ARMC8: variants seen among roughly 807,000 people sequenced by gnomAD.
The protein encoded by ARMC8 is armadillo repeat containing 8, also known as armadillo repeat-containing protein 8.
Under a neutral mutation model 99.3 loss-of-function variants are expected in ARMC8, and 20 were observed. The observed-to-expected ratio is 0.20, with a 90% CI of 0.14 to 0.29. The LOEUF (loss-of-function observed/expected upper bound fraction) is 0.29, where lower values mean the gene tolerates loss of function less well. Ranked by LOEUF, ARMC8 falls within the 10% of genes least tolerant of loss-of-function variation. The probability of loss-of-function intolerance (pLI) is 1.00; values close to 1 mark genes in which losing one functional copy is unlikely to be tolerated. For synonymous variants in ARMC8, 263 were observed against 278.3 expected (o/e 0.95, Z 0.55); for missense variants, 569 against 809.5 (o/e 0.70, Z 3.60).
chr3:138,194,030 C>G (rs2043547813), intron 1 of ARMC8, among the ~76,000 whole-genome samples: 1 of 151,266 alleles, frequency 6.6e-6, no homozygotes, highest in African/African-American at 2.4e-5. Flanking sequence ...ACAGTCCTTT[C>G]CCAGTGGCAT....
intron 12 of ARMC8, chr3:138,262,612 A>G: frequency 6.4e-7 from 1 of 1,558,986 alleles, no homozygotes; most frequent in African/African-American, 1.4e-5. Context: ...AAAAAAAAAA[A>G]ATTTAGGTGC....
At chr3:138,235,398 G>T (rs2046279074) in intron 7 of ARMC8, among the ~76,000 whole-genome samples, 1 of 152,190 alleles carries the variant, frequency 6.6e-6, no homozygotes, top group East Asian at 1.9e-4. Flanking sequence ...ATGATGCCTT[G>T]AAGTATAGAA....
chr3:138,220,890 A>G (rs758276260), intron 2 of ARMC8, among the ~76,000 whole-genome samples: 4 of 151,962 alleles, frequency 2.6e-5, no homozygotes, highest in Non-Finnish European at 5.9e-5. Context: ...GAGTTTCGCC[A>G]TGTTGTTCAG....
At chr3:138,281,292 C>CT (rs1263921597) in intron 18 of ARMC8, among the ~76,000 whole-genome samples, 4 of 149,350 alleles carry the variant, frequency 2.7e-5, no homozygotes, top group African/African-American at 9.9e-5. Context: ...TAATTGATTT[C>CT]TTTTTCTTTT....
rs1553745519 is a variant in ARMC8, at chr3:138,188,392, T to TTA, written c.45+793_45+794insTA. On this transcript the variant is annotated intron_variant, in intron 1 of 21. Transcript: ENST00000469044. ...AAGTAAAACCTGTTTTTTTTTTTTT[T>TTA]AAAAAAAGTTTTTTTAAAGAAAAAG... The TTA allele has an allele frequency of 2.8e-4, 404 of 1,439,890 alleles. 1 individual carries two copies. The African/African-American group carries it at 4.5e-3, about 16-fold the overall frequency. The allele number at this position is 1,439,890 out of a possible 1,614,324, so 89.2% of individuals were successfully genotyped here. A position where few individuals can be genotyped will look rare whatever the true frequency, so the allele number is the denominator to read the frequency against.
chr3:138,262,208 CAA>C (rs2047813180), intron 12 of ARMC8: 1 of 203,062 alleles, frequency 4.9e-6, no homozygotes, highest in African/African-American at 2.3e-5. Flanking sequence ...GAGGGAGTCA[CAA>C]AGAGTAGGTA....
intron 1 of ARMC8, among the ~76,000 whole-genome samples, chr3:138,202,660 A>G (rs1412434866): frequency 6.6e-6 from 1 of 152,228 alleles, no homozygotes; most frequent in Non-Finnish European, 1.5e-5. Context: ...AAAGTTGCAT[A>G]GCTAGTAAGT....
At position 138,201,436 on chromosome 3, in the gene ARMC8, C is replaced by CTTTTT. The variant is rs58707271; in HGVS notation, c.46-8344_46-8340dup. On this transcript the variant is annotated intron_variant, in intron 1 of 21. Transcript: ENST00000469044. ...TAGAGTCCTTGTCTTCTTCCCCTCC[C>CTTTTT]TTTTTTTTTTTTTTTTTTTTTTTTT... Among the ~76,000 whole-genome samples, 158 of 64,990 alleles carry CTTTTT rather than the reference C, an allele frequency of 2.4e-3. 53 individuals carry two copies. The highest frequency in any genetic ancestry group is 3.9e-3 in the Non-Finnish European group (114 of 29,394). The allele number at this position is 64,990 out of a possible 152,430, so 42.6% of individuals were successfully genotyped here.
Position 138,297,804 on chromosome 3 carries a change from G to A in ARMC8, c.*1912G>A, listed in dbSNP as rs968949357. On this transcript the variant is annotated 3_prime_UTR_variant, in exon 22 of 22. Coordinates refer to ENST00000469044, the MANE Select transcript of ARMC8 (RefSeq NM_001363941.2). ...CAGGCCCACTCGTTTCTAGAACTGT[G>A]AAAATATCCTTGGTTGGCATTTTTA... 2.6e-5 allele frequency: 4 copies of A among 152,184 alleles called. No individual in the cohort carries two copies. The highest frequency in any genetic ancestry group is 9.7e-5 in the African/African-American group (4 of 41,448). The allele number at this position is 152,184 out of a possible 1,614,324, so 9.4% of individuals were successfully genotyped here. A position where few individuals can be genotyped will look rare whatever the true frequency, so the allele number is the denominator to read the frequency against.
At chr3:138,273,208 C>A in intron 17 of ARMC8, 92 bp downstream of exon 17, 1 of 1,290,740 alleles carries the variant, frequency 7.7e-7, no homozygotes, top group Non-Finnish European at 1.1e-6. Context: ...TAACATCTGC[C>A]CATGAGTGTG....
chr3:138,242,507 A>G (rs1229855275), intron 11 of ARMC8, among the ~76,000 whole-genome samples: 1 of 152,164 alleles, frequency 6.6e-6, no homozygotes, highest in East Asian at 1.9e-4. Context: ...AAAAGGCCAA[A>G]TTGTGCTTTT....
At chr3:138,245,004 A>G in intron 11 of ARMC8, 84 bp from the exon 12 acceptor site, 10 of 1,495,326 alleles carry the variant, frequency 6.7e-6, no homozygotes, top group Non-Finnish European at 9.0e-6. Context: ...AAAGTTGTAA[A>G]CTTTTTTTTT....
rs951748534 is a variant in ARMC8 at position 138,234,916 on chromosome 3, A to G, written c.529-118A>G. 145 of 756,718 alleles carry G rather than the reference A, an allele frequency of 1.9e-4. 1 individual carries two copies. The highest frequency in any genetic ancestry group is 3.8e-5 in the Non-Finnish European group (18 of 472,178). The allele number at this position is 756,718 out of a possible 1,614,324, so 46.9% of individuals were successfully genotyped here. ...TTTGAGGTTTGAGTTTATTTAAGCA[A>G]AGAGTAACAGGATTCTGTACTGTAG... On this transcript the variant is annotated intron_variant, in intron 6 of 21. Coordinates refer to ENST00000469044, the MANE Select transcript of ARMC8 (RefSeq NM_001363941.2).
At chr3:138,256,091 C>T (rs1248643752) in intron 12 of ARMC8, among the ~76,000 whole-genome samples, 1 of 152,236 alleles carries the variant, frequency 6.6e-6, no homozygotes, top group African/African-American at 2.4e-5. Flanking sequence ...TATTACATAA[C>T]AGGGTATGGA....
At chr3:138,262,495 T>A (rs1231498846) in intron 12 of ARMC8, 1 of 1,585,536 alleles carries the variant, frequency 6.3e-7, no homozygotes, top group Admixed American at 1.9e-5. Context: ...CCTGAGGTTT[T>A]CCACTCTCTC....
chr3:138,246,544 G>T, intron 12 of ARMC8: 1 of 985,590 alleles, frequency 1.0e-6, no homozygotes, highest in African/African-American at 1.7e-5. Context: ...CAATTATTTG[G>T]TTTAGGATGG....
chr3:138,230,935 A>AT lies in ARMC8; in HGVS notation c.528+1932dup, dbSNP rs564220420. ...AATTATAGAGTACCATTAAATCACTATTTTTTTGCTGGAGAGAAACTTAAA... is the reference window on the plus strand; with the variant it reads ...AATTATAGAGTACCATTAAATCACTATTTTTTTTGCTGGAGAGAAACTTAAA... On this transcript the variant is annotated intron_variant, in intron 6 of 21. Transcript: ENST00000469044. 2.6e-3 allele frequency among the ~76,000 whole-genome samples: 398 copies of AT among 152,216 alleles called. 1 individual carries two copies. Among genetic ancestry groups the AT allele is most frequent in the Non-Finnish European group, 4.6e-3 (315 of 68,002 alleles).
chr3:138,271,164 C>A (rs2048753055), intron 16 of ARMC8, among the ~76,000 whole-genome samples: 1 of 152,152 alleles, frequency 6.6e-6, no homozygotes, highest in African/African-American at 2.4e-5. Flanking sequence ...TCTAAGAAAG[C>A]AACAAATCTG....
intron 12 of ARMC8, chr3:138,245,497 G>A (rs2046840577): frequency 8.0e-7 from 1 of 1,245,372 alleles, no homozygotes; most frequent in Admixed American, 3.9e-5. Context: ...GCACTGTGAA[G>A]CTTCAGACAC....
Sources: gnomAD v4.1 joint callset for allele counts (sites outside exome capture counted in the v4.1 genomes callset) on GRCh38, gnomAD v4.1.1 for gene constraint, MANE v1.5 for transcripts, NCBI Gene and HGNC (gene_info 2026-07-23, HGNC 2026-07-21) for gene names.